Variants in DUSP15 observed in about 807,000 individuals in gnomAD.
The protein encoded by DUSP15 is dual specificity phosphatase 15.
A neutral mutation model predicts 26.3 loss-of-function variants in DUSP15; 23 were observed. That is an observed-to-expected ratio of 0.87 (90% CI 0.63 to 1.24). The LOEUF is 1.24. Among genes scored for constraint, DUSP15 ranks in the 50% most tolerant of loss-of-function variants. The probability of loss-of-function intolerance (pLI) is 0.00; values close to 1 mark genes in which losing one functional copy is unlikely to be tolerated. For synonymous variants in DUSP15, 143 were observed against 135.5 expected, an observed-to-expected ratio of 1.06 and a Z score of -0.39; for missense variants, 364 against 320.6, an observed-to-expected ratio of 1.14 and a Z score of -1.03.
Position 31,869,556 on chromosome 20 carries a change from G to A in DUSP15, c.55+8C>T. ...CCATGGCCTCGGGACAGAGTGGGCA[G>A]TGCTCACCAATGAAGTTTCCGAGGT... On this transcript the variant is annotated splice_region_variant and intron_variant, in intron 2 of 6. Coordinates refer to ENST00000339738, the MANE Select transcript of DUSP15 (RefSeq NM_080611.5). 6.2e-7 allele frequency: 1 copy of A among 1,611,988 alleles called. No individual in the cohort carries two copies. Among genetic ancestry groups the A allele is most frequent in the Non-Finnish European group, 8.5e-7 (1 of 1,179,226 alleles).
chr20:31,864,433 G>A, intron 4 of DUSP15: 1 of 1,035,726 alleles, frequency 9.7e-7, no homozygotes. Context: ...AGGCACTACT[G>A]CTGATGCCAC....
chr20:31,849,996 T>C (rs1395583481), intron 7 of DUSP15: 48 of 1,227,116 alleles, frequency 3.9e-5, no homozygotes, highest in South Asian at 9.8e-5. Flanking sequence ...CTCGGAAATT[T>C]TGGGTGCTCT....
Position 31,861,322 on chromosome 20 carries a change from C to T in DUSP15, c.*81G>A. On this transcript the variant is annotated 3_prime_UTR_variant, in exon 7 of 7. Transcript: ENST00000339738. ...CGCGGGGCTCCCCCAGCCTCTGGGC[C>T]CGTCCTGGGGGGCGTGGAAGGCGCA... is the stretch of plus-strand genomic sequence containing the variant. 1 of 1,395,926 alleles carries T rather than the reference C, an allele frequency of 7.2e-7. No individual in the cohort carries two copies. Among genetic ancestry groups the T allele is most frequent in the Non-Finnish European group, 9.3e-7 (1 of 1,080,770 alleles). The allele number at this position is 1,395,926 out of a possible 1,614,324, so 86.5% of individuals were successfully genotyped here.
intron 1 of DUSP15, chr20:31,869,833 T>G: frequency 7.0e-7 from 1 of 1,422,502 alleles, no homozygotes; most frequent in East Asian, 2.6e-5. Flanking sequence ...GGAGGCCAGC[T>G]TGGGTATGAG....
intron 6 of DUSP15, among the ~76,000 whole-genome samples, chr20:31,856,060 C>G (rs1266934038): frequency 6.6e-6 from 1 of 152,104 alleles, no homozygotes; most frequent in Non-Finnish European, 1.5e-5. Flanking sequence ...ATACACTGAA[C>G]CCAATTTGTA....
At chr20:31,867,213 C>A in intron 2 of DUSP15, 60 bp from the exon 3 acceptor site, 1 of 1,465,464 alleles carries the variant, frequency 6.8e-7, no homozygotes, top group Non-Finnish European at 9.3e-7. Context: ...TGGCCAAGTG[C>A]GGAGGGAGCT....
chr20:31,870,320 G>T lies in DUSP15; in HGVS notation c.18C>A (p.Thr6=). Residue 6 remains threonine, a synonymous_variant, in exon 1 of 7, where the codon ACC becomes ACA. Coordinates refer to ENST00000339738, the MANE Select transcript of DUSP15 (RefSeq NM_080611.5). This position sits in a 1 kb window ranked among gnomAD's most constrained non-coding sequence, Gnocchi z 6.6. MGNGM[T]KVLPGLYLGN... The stretch of plus-strand genomic sequence containing the variant: ...CTGCGCGGGGCCCGCCCCCTACCTT[G>T]GTCATGCCATTGCCCATGATCCCGG... 7.9e-7 allele frequency: 1 copy of T among 1,265,032 alleles called. No individual in the cohort carries two copies. The highest frequency in any genetic ancestry group is 9.9e-7 in the Non-Finnish European group (1 of 1,005,996). 78.4% of individuals were successfully genotyped at this position (1,265,032 alleles called of 1,614,324 possible). A position where few individuals can be genotyped will look rare whatever the true frequency, so the allele number is the denominator to read the frequency against.
chr20:31,863,717 T>C (rs1446650273), intron 5 of DUSP15, 190 bp downstream of exon 5: 10 of 586,026 alleles, frequency 1.7e-5, no homozygotes, highest in African/African-American at 3.7e-5. Context: ...TACTTGGCTA[T>C]GGCCACACAG....
At chr20:31,846,477 G>A (rs75645044), downstream of DUSP15, among the ~76,000 whole-genome samples, 2 of 118,402 alleles carry the variant, frequency 1.7e-5, no homozygotes, top group Non-Finnish European at 3.5e-5. Flanking sequence ...AGAGAGAGAG[G>A]AGAGAGAGGC....
At chr20:31,859,665 T>G (rs1164639272), downstream of DUSP15, among the ~76,000 whole-genome samples, 1 of 152,144 alleles carries the variant, frequency 6.6e-6, no homozygotes, top group Non-Finnish European at 1.5e-5. Context: ...CTTTTTTTAT[T>G]TTTCTTTTTT....
Position 31,869,639 on chromosome 20 carries a change from AC to A in DUSP15, c.22-43del. 3 of 1,607,676 alleles carry A rather than the reference AC, an allele frequency of 1.9e-6. No individual in the cohort carries two copies. The South Asian group carries it at 3.3e-5, about 18-fold the overall frequency. ...CAAGGGTCAGTGGGGCAGGGGCTGC[AC>A]CCCCTTCCACCCCCAGGGCAGCTGG... On this transcript the variant is annotated intron_variant, in intron 1 of 6. Coordinates refer to ENST00000339738, the MANE Select transcript of DUSP15 (RefSeq NM_080611.5).
downstream of DUSP15, among the ~76,000 whole-genome samples, chr20:31,857,051 G>A (rs903011912): frequency 1.3e-5 from 2 of 152,262 alleles, no homozygotes; most frequent in Non-Finnish European, 2.9e-5. Context: ...AAGAGGGACA[G>A]AAGCCGGACT....
At chr20:31,850,737 G>A in intron 6 of DUSP15, 1 of 1,553,342 alleles carries the variant, frequency 6.4e-7, no homozygotes, top group East Asian at 2.3e-5. Flanking sequence ...CCATAGATAA[G>A]GAGGAGGCCA....
chr20:31,866,308 A>G (rs1001640561), intron 3 of DUSP15, among the ~76,000 whole-genome samples: 4 of 152,194 alleles, frequency 2.6e-5, no homozygotes, highest in Non-Finnish European at 4.4e-5. Context: ...TAAATTTGTT[A>G]TAGTATCAGT....
chr20:31,850,660 G>A, exon 7 of DUSP15: 1 of 1,611,814 alleles, frequency 6.2e-7, no homozygotes, highest in Non-Finnish European at 8.5e-7. Flanking sequence ...GGTTTTTGAG[G>A]TCCTATGTCT....
intron 1 of DUSP15, chr20:31,869,959 G>T: frequency 7.4e-7 from 1 of 1,358,424 alleles, no homozygotes; most frequent in Non-Finnish European, 9.5e-7. Context: ...ACAGGCAGAG[G>T]CGGGACAGGA....
chr20:31,870,580 T>C, upstream of DUSP15: 3 of 1,448,822 alleles, frequency 2.1e-6, no homozygotes, highest in Non-Finnish European at 2.7e-6. The surrounding 1 kb of genome is among the most constrained non-coding windows in gnomAD (Gnocchi z 6.6). Context: ...TCCTACCCCT[T>C]CGGTCATGTG....
At chr20:31,849,579 G>A (rs1467171585) in intron 8 of DUSP15, 7 of 1,244,360 alleles carry the variant, frequency 5.6e-6, no homozygotes, top group Non-Finnish European at 7.0e-6. Flanking sequence ...TGGCAGGTGC[G>A]CCTGCGCTCC....
At chr20:31,860,411 C>T (rs2062624917), downstream of DUSP15, among the ~76,000 whole-genome samples, 1 of 152,238 alleles carries the variant, frequency 6.6e-6, no homozygotes, top group South Asian at 2.1e-4. Context: ...TTCTACTCAT[C>T]CTCAGAGCCA....
Sources: gnomAD v4.1 joint callset for allele counts (sites outside exome capture counted in the v4.1 genomes callset) on GRCh38, gnomAD v4.1.1 for gene constraint, Gnocchi (gnomAD v3.1) non-coding constraint, MANE v1.5 for transcripts, NCBI Gene and HGNC (gene_info 2026-07-23, HGNC 2026-07-21) for gene names.